Variants in DNMT3A observed in about 807,000 individuals in gnomAD.
The protein encoded by DNMT3A is DNA (cytosine-5)-methyltransferase 3A.
DNMT3A carries 267 observed loss-of-function variants against 117.6 expected under a neutral mutation model. The ratio of observed to expected loss-of-function variants is 2.27; its 90% CI spans 2.05 to 2.51. The LOEUF (loss-of-function observed/expected upper bound fraction) is 2.51, where lower values mean the gene tolerates loss of function less well. DNMT3A is among the 30% of genes most tolerant of loss of function. DNMT3A has a pLI of 0.00. For missense variants in DNMT3A, 1,029 were observed against 1,260.2 expected (o/e 0.82, Z 2.78); for synonymous variants, 432 against 474.8 (o/e 0.91, Z 1.17).
In DNMT3A at chr2:25,337,394, C is replaced by T. The variant is rs780487791; in HGVS notation, c.-178+4432G>A. On this transcript the variant is annotated intron_variant, in intron 1 of 22. Transcript: ENST00000321117. This position sits in a 1 kb window ranked among gnomAD's most constrained non-coding sequence, Gnocchi z 5.0. ...CAGACACAGCTAACAGGAGGGCTCCCGCTCCTCTAAGGCTGTAACGCACAT... is the reference window on the plus strand; with the variant it reads ...CAGACACAGCTAACAGGAGGGCTCCTGCTCCTCTAAGGCTGTAACGCACAT... Among the ~76,000 whole-genome samples, 51 of 152,314 alleles carry T rather than the reference C, an allele frequency of 3.3e-4. No homozygotes were observed. Among genetic ancestry groups the T allele is most frequent in the Non-Finnish European group, 5.7e-4 (39 of 68,028 alleles).
chr2:25,310,382 C>T (rs1419629846), intron 2 of DNMT3A, among the ~76,000 whole-genome samples: 1 of 151,698 alleles, frequency 6.6e-6, no homozygotes, highest in Non-Finnish European at 1.5e-5. Context: ...CAACATTTAC[C>T]AGCTGACTCG....
intron 2 of DNMT3A, among the ~76,000 whole-genome samples, chr2:25,300,594 C>G (rs527576950): frequency 7.6e-6 from 1 of 130,914 alleles, no homozygotes; most frequent in Non-Finnish European, 1.6e-5. Context: ...TACCCACACC[C>G]ATATATATAT....
chr2:25,249,476 T>C (rs972126840), intron 6 of DNMT3A: 13 of 686,440 alleles, frequency 1.9e-5, no homozygotes, highest in Non-Finnish European at 3.1e-5. Context: ...TCACACCCAG[T>C]GTGTATTGTT....
rs1672784321 is a variant in DNMT3A, at chr2:25,229,326, G to C, written c.*4953C>G. 1 of 152,272 alleles carries C rather than the reference G, an allele frequency of 6.6e-6. No individual in the cohort carries two copies. Among genetic ancestry groups the C allele is most frequent in the Admixed American group, 6.5e-5 (1 of 15,278 alleles). The allele number at this position is 152,272 out of a possible 1,614,324, so 9.4% of individuals were successfully genotyped here. A position where few individuals can be genotyped will look rare whatever the true frequency, so the allele number is the denominator to read the frequency against. ...ACTTTCCTTAATCCTGGCTCAGCAGGGCATGGCCAGAAGGGCCATCCCAGC... is the reference window on the plus strand; with the variant it reads ...ACTTTCCTTAATCCTGGCTCAGCAGCGCATGGCCAGAAGGGCCATCCCAGC... On this transcript the variant is annotated 3_prime_UTR_variant, in exon 23 of 23. Coordinates refer to ENST00000321117, the MANE Select transcript of DNMT3A (RefSeq NM_022552.5).
chr2:25,233,225 C>A lies in DNMT3A; in HGVS notation c.*1054G>T, dbSNP rs995971462. The A allele has an allele frequency of 4.3e-6, 1 of 233,648 alleles. No individual in the cohort carries two copies. The highest frequency in any genetic ancestry group is 2.2e-5 in the African/African-American group (1 of 45,310). 14.5% of individuals were successfully genotyped at this position (233,648 alleles called of 1,614,324 possible). A position where few individuals can be genotyped will look rare whatever the true frequency, so the allele number is the denominator to read the frequency against. ...CCACGGGCCCGACCACCTCATCTAG[C>A]CCCCTTTTTGGCAGGGAGAACCTGG... is the stretch of plus-strand genomic sequence containing the variant. On this transcript the variant is annotated 3_prime_UTR_variant, in exon 23 of 23. Transcript: ENST00000321117.
chr2:25,284,453 G>C (rs995211221), intron 3 of DNMT3A, among the ~76,000 whole-genome samples: 4 of 151,808 alleles, frequency 2.6e-5, no homozygotes, highest in African/African-American at 9.7e-5. Context: ...TCAGGAGTTT[G>C]AGACCAGCCT....
Position 25,246,690 on chromosome 2 carries a change from GT to G in DNMT3A, c.1208del (p.Asn403ThrfsTer4). 6.2e-7 allele frequency: 1 copy of G among 1,613,792 alleles called. No individual in the cohort carries two copies. Among genetic ancestry groups the G allele is most frequent in the Non-Finnish European group, 8.5e-7 (1 of 1,180,036 alleles). Reference protein sequence around the residue: ...SDTAKAVEVQNKPMIEWALGG... With the variant: ...SDTAKAVEVQXKPMIEWALGG... ...CCAGGGCCCATTCAATCATGGGCTT[GT>G]TCTGCACCTCCACGGCCTTGGCAGT... On this transcript the variant is annotated frameshift_variant, in exon 10 of 23. Transcript: ENST00000321117. LOFTEE classifies it high-confidence loss of function.
intron 6 of DNMT3A, 109 bp from the exon 7 acceptor site, chr2:25,248,361 T>C: frequency 7.7e-7 from 1 of 1,292,028 alleles, no homozygotes; most frequent in Non-Finnish European, 1.1e-6. Context: ...TGACAGAAGG[T>C]CAAGGGCTGG....
intron 16 of DNMT3A, among the ~76,000 whole-genome samples, chr2:25,242,207 C>T (rs1674156516): frequency 6.6e-6 from 1 of 152,190 alleles, no homozygotes; most frequent in Non-Finnish European, 1.5e-5. Context: ...CATCCCTTGC[C>T]TCCCCATCAG....
chr2:25,240,168 G>A (rs549826547), intron 19 of DNMT3A, 134 bp downstream of exon 19: 2 of 1,315,812 alleles, frequency 1.5e-6, no homozygotes. Flanking sequence ...GGAAGCCTGG[G>A]GCTTCCCAAA....
chr2:25,236,844 G>A lies in DNMT3A; in HGVS notation c.2478+92C>T. 2 of 1,328,868 alleles carry A rather than the reference G, an allele frequency of 1.5e-6. No individual in the cohort carries two copies. Among genetic ancestry groups the A allele is most frequent in the Non-Finnish European group, 2.1e-6 (2 of 963,424 alleles). 82.3% of individuals were successfully genotyped at this position (1,328,868 alleles called of 1,614,324 possible). ...TGCATTCTCCACACTAGCTGGAGAA[G>A]CAGGCGGGACAAGGCCCTGGCCACC... is the stretch of plus-strand genomic sequence containing the variant. On this transcript the variant is annotated intron_variant, in intron 21 of 22. Coordinates refer to ENST00000321117, the MANE Select transcript of DNMT3A (RefSeq NM_022552.5). This position sits in a 1 kb window ranked among gnomAD's most constrained non-coding sequence, Gnocchi z 4.5.
rs1191462913 is a variant in DNMT3A at position 25,247,100 on chromosome 2, G to A, written c.1073C>T (p.Thr358Met). Residue 358 changes from threonine (T) to methionine (M), a missense_variant, in exon 9 of 23, where the codon ACG (threonine) becomes ATG (methionine). Thr to Met is a moderately conservative substitution (Grantham distance 81). Coordinates refer to ENST00000321117, the MANE Select transcript of DNMT3A (RefSeq NM_022552.5). The surrounding 1 kb of genome is among the most constrained non-coding windows in gnomAD (Gnocchi z 5.6). ...GCGGTACATGGGCTGCTTGTTGTAC[G>A]TGGCCTGGTGGAACGCACTGCAAAA... is the stretch of plus-strand genomic sequence containing the variant. ...SSFCSAFHQA[T>M]YNKQPMYRKA... 1.9e-6 allele frequency: 3 copies of A among 1,614,104 alleles called. No individual in the cohort carries two copies. Among genetic ancestry groups the A allele is most frequent in the Non-Finnish European group, 2.5e-6 (3 of 1,179,998 alleles).
chr2:25,235,026 TG>T (rs1673194955), intron 22 of DNMT3A, among the ~76,000 whole-genome samples: 1 of 152,038 alleles, frequency 6.6e-6, no homozygotes, highest in South Asian at 2.1e-4. Flanking sequence ...CAAATCAGGG[TG>T]TTGAGGCTGC....
intron 1 of DNMT3A, chr2:25,328,521 AG>A: frequency 2.4e-6 from 1 of 420,912 alleles, no homozygotes; most frequent in Non-Finnish European, 5.1e-6. Flanking sequence ...ATGCGTATAT[AG>A]ATGTGTCTGA....
At chr2:25,241,033 G>A (rs1673964449) in intron 17 of DNMT3A, among the ~76,000 whole-genome samples, 1 of 152,224 alleles carries the variant, frequency 6.6e-6, no homozygotes. Flanking sequence ...GGCATGCTGA[G>A]TGTCTTAGGC....
chr2:25,339,996 C>T lies in DNMT3A; in HGVS notation c.-178+1830G>A, dbSNP rs2035351811. On this transcript the variant is annotated intron_variant, in intron 1 of 22. Transcript: ENST00000321117. The surrounding 1 kb of genome is among the most constrained non-coding windows in gnomAD (Gnocchi z 4.9). ...GTGAAACATGAAGACTGAGCAGGCCCTCAGGGATGCTGATGGCAGTCTCTG... is the reference window on the plus strand; with the variant it reads ...GTGAAACATGAAGACTGAGCAGGCCTTCAGGGATGCTGATGGCAGTCTCTG... Among the ~76,000 whole-genome samples the T allele has an allele frequency of 6.6e-6, 1 of 152,228 alleles. No individual in the cohort carries two copies. The highest frequency in any genetic ancestry group is 2.4e-5 in the African/African-American group (1 of 41,460).
intron 16 of DNMT3A, 134 bp downstream of exon 16, chr2:25,243,764 A>C: frequency 1.9e-6 from 2 of 1,033,362 alleles, no homozygotes; most frequent in Non-Finnish European, 2.9e-6. Flanking sequence ...CTTCACACAC[A>C]AGCTTCCCCT....
intron 1 of DNMT3A, among the ~76,000 whole-genome samples, chr2:25,323,864 T>C (rs2034692058): frequency 6.6e-6 from 1 of 152,126 alleles, no homozygotes; most frequent in South Asian, 2.1e-4. Context: ...TTTATCCCCA[T>C]TTTCCAGATG....
rs1673856861 is a variant in DNMT3A, at chr2:25,240,408, T to TGCA, written c.2213_2215dup (p.Leu738dup). 6.2e-7 allele frequency: 1 copy of TGCA among 1,613,490 alleles called. No individual in the cohort carries two copies. Among genetic ancestry groups the TGCA allele is most frequent in the Admixed American group, 1.7e-5 (1 of 59,916 alleles). ...ATCTCCCTCCTTGGGCCGCGCATCATGCAGGAGGCGGTAGAACTCAAAGAA... is the reference window on the plus strand; with the variant it reads ...ATCTCCCTCCTTGGGCCGCGCATCATGCAGCAGGAGGCGGTAGAACTCAAAGAA... On this transcript the variant is annotated inframe_insertion, in exon 19 of 23. Coordinates refer to ENST00000321117, the MANE Select transcript of DNMT3A (RefSeq NM_022552.5).
Sources: allele counts gnomAD v4.1 joint callset (sites outside exome capture counted in the v4.1 genomes callset), GRCh38; gene constraint gnomAD v4.1.1; non-coding constraint Gnocchi (gnomAD v3.1); transcripts MANE v1.5; gene names NCBI Gene and HGNC (gene_info 2026-07-23, HGNC 2026-07-21).